Variants in SRD5A2 observed in about 807,000 individuals in gnomAD.
The protein encoded by SRD5A2 is 3-oxo-5-alpha-steroid 4-dehydrogenase 2.
SRD5A2 carries 30 observed loss-of-function variants against 27.4 expected under a neutral mutation model. The ratio of observed to expected loss-of-function variants is 1.10; its 90% CI spans 0.82 to 1.49. The LOEUF (loss-of-function observed/expected upper bound fraction) is 1.49, where lower values mean the gene tolerates loss of function less well. Among genes scored for constraint, SRD5A2 ranks in the 40% most tolerant of loss-of-function variants. SRD5A2 has a pLI of 0.00. For missense variants in SRD5A2, 348 were observed against 323.4 expected, an observed-to-expected ratio of 1.08 and a Z score of -0.58; for synonymous variants, 141 against 133.6, an observed-to-expected ratio of 1.06 and a Z score of -0.38.
the SRD5A2 span, among the ~76,000 whole-genome samples, chr2:31,593,828 C>G: frequency 6.6e-6 from 1 of 152,178 alleles, no homozygotes; most frequent in South Asian, 2.1e-4. Context: ...AAAAACCTGT[C>G]AGATTAACAG....
chr2:31,553,429 A>G (rs1381884348), intron 1 of SRD5A2, among the ~76,000 whole-genome samples: 1 of 152,206 alleles, frequency 6.6e-6, no homozygotes, highest in Non-Finnish European at 1.5e-5. Context: ...ATGAAGCTGA[A>G]AGCACCACAA....
upstream of SRD5A2, among the ~76,000 whole-genome samples, chr2:31,585,059 A>T (rs770814584): frequency 5.9e-5 from 9 of 152,194 alleles, no homozygotes; most frequent in Non-Finnish European, 1.2e-4. Context: ...CAAAAAGGAA[A>T]GCCAGACAAA....
chr2:31,563,435 G>C (rs1036864268), intron 1 of SRD5A2: 5 of 151,986 alleles, frequency 3.3e-5, no homozygotes, highest in Non-Finnish European at 7.4e-5. Context: ...CTGGATATTA[G>C]GCAATGAAAA....
chr2:31,606,489 C>T, the SRD5A2 span, among the ~76,000 whole-genome samples: 44 of 151,954 alleles, frequency 2.9e-4, no homozygotes, highest in Non-Finnish European at 5.3e-4. Context: ...GAGTCTCAAA[C>T]ATGAAACTTC....
At chr2:31,645,397 T>A in the SRD5A2 span, among the ~76,000 whole-genome samples, 4 of 152,156 alleles carry the variant, frequency 2.6e-5, no homozygotes, top group Non-Finnish European at 5.9e-5. Flanking sequence ...TATCAAAACA[T>A]CTTCTGTATC....
At chr2:31,547,172 A>G (rs533725505) in intron 1 of SRD5A2, among the ~76,000 whole-genome samples, 11 of 152,228 alleles carry the variant, frequency 7.2e-5, no homozygotes, top group Non-Finnish European at 1.0e-4. Flanking sequence ...AATACAATAC[A>G]GAGTCCAGAA....
At chr2:31,626,130 A>C in the SRD5A2 span, among the ~76,000 whole-genome samples, 1 of 152,178 alleles carries the variant, frequency 6.6e-6, no homozygotes, top group Non-Finnish European at 1.5e-5. Flanking sequence ...GCAATTGTGA[A>C]TGGGAGTTCA....
chr2:31,594,513 TTA>T, the SRD5A2 span, among the ~76,000 whole-genome samples: 4 of 152,088 alleles, frequency 2.6e-5, no homozygotes, highest in East Asian at 7.7e-4. Flanking sequence ...ACAATTCTAA[TTA>T]TATATGCACC....
intron 1 of SRD5A2, among the ~76,000 whole-genome samples, chr2:31,574,358 T>C (rs1469710466): frequency 6.6e-6 from 1 of 152,236 alleles, no homozygotes; most frequent in Non-Finnish European, 1.5e-5. Flanking sequence ...CTGCCCTTTC[T>C]TGCCATGTAA....
At chr2:31,577,721 C>T (rs554526431) in intron 1 of SRD5A2, among the ~76,000 whole-genome samples, 104 of 152,272 alleles carry the variant, frequency 6.8e-4, no homozygotes, top group Middle Eastern at 3.4e-3. Context: ...AAAGCCAAGA[C>T]AGCCTGATGC....
intron 1 of SRD5A2, among the ~76,000 whole-genome samples, chr2:31,573,047 A>T (rs1666883695): frequency 6.6e-6 from 1 of 152,290 alleles, no homozygotes; most frequent in Non-Finnish European, 1.5e-5. Context: ...TAAGTCACAG[A>T]TCACCAAATG....
the SRD5A2 span, among the ~76,000 whole-genome samples, chr2:31,610,473 T>G: frequency 6.6e-6 from 1 of 152,118 alleles, no homozygotes; most frequent in Non-Finnish European, 1.5e-5. Flanking sequence ...AAAAAATAGG[T>G]AGAGAAGAAT....
chr2:31,632,478 C>G, the SRD5A2 span, among the ~76,000 whole-genome samples: 1 of 152,236 alleles, frequency 6.6e-6, no homozygotes, highest in Non-Finnish European at 1.5e-5. Flanking sequence ...TCAGAAGCCA[C>G]TAACCAGATG....
At chr2:31,577,183 G>GGAGAAAAAA (rs1666976409) in intron 1 of SRD5A2, among the ~76,000 whole-genome samples, 1 of 10,418 alleles carries the variant, frequency 9.6e-5, no homozygotes, top group African/African-American at 3.0e-4. Flanking sequence ...AAAAAAAAAA[G>GGAGAAAAAA]AGGTGAGATA....
chr2:31,657,862 G>A, the SRD5A2 span, among the ~76,000 whole-genome samples: 2 of 151,600 alleles, frequency 1.3e-5, no homozygotes, highest in Non-Finnish European at 2.9e-5. Context: ...GGGGTGGGAA[G>A]GAAATAAAAA....
At chr2:31,561,064 C>T (rs1666611260) in intron 1 of SRD5A2, among the ~76,000 whole-genome samples, 1 of 152,112 alleles carries the variant, frequency 6.6e-6, no homozygotes. Context: ...TAGAGAAATG[C>T]CTCCCTGGGG....
chr2:31,647,738 T>C, the SRD5A2 span, among the ~76,000 whole-genome samples: 1 of 152,200 alleles, frequency 6.6e-6, no homozygotes, highest in Admixed American at 6.5e-5. Flanking sequence ...AGTAAATGTG[T>C]ATGTTACACA....
At chr2:31,620,320 T>C in the SRD5A2 span, among the ~76,000 whole-genome samples, 456 of 152,096 alleles carry the variant, frequency 3.0e-3, 2 homozygotes, top group African/African-American at 0.011. Flanking sequence ...CAGCATAGTA[T>C]TGGAATTTCT....
At chr2:31,566,637 T>C (rs1425547609) in intron 1 of SRD5A2, among the ~76,000 whole-genome samples, 4 of 152,152 alleles carry the variant, frequency 2.6e-5, no homozygotes, top group Non-Finnish European at 5.9e-5. Flanking sequence ...AAAGGAGAAA[T>C]AGAAAGATGA....
Sources: allele counts gnomAD v4.1 joint callset (sites outside exome capture counted in the v4.1 genomes callset), GRCh38; gene constraint gnomAD v4.1.1; transcripts MANE v1.5; gene names NCBI Gene and HGNC (gene_info 2026-07-23, HGNC 2026-07-21).